Variants in TBCK observed in about 807,000 individuals in gnomAD.
TBCK encodes the protein TBC domain-containing protein kinase-like protein.
TBCK carries 99 observed loss-of-function variants against 113.4 expected under a neutral mutation model. The ratio of observed to expected loss-of-function variants is 0.87; its 90% CI spans 0.74 to 1.03. The LOEUF is 1.03. Ranked by LOEUF, TBCK falls within the 50% of genes least tolerant of loss-of-function variation. The pLI is 0.00. For synonymous variants in TBCK, 369 were observed against 370.8 expected (o/e 1.00, Z 0.05); for missense variants, 1,045 against 1,061.3 (o/e 0.98, Z 0.21).
rs1245367328 is a variant in TBCK at position 106,236,622 on chromosome 4, A to C, written c.1221-103T>G. On this transcript the variant is annotated intron_variant, in intron 13 of 25. Coordinates refer to ENST00000394708, the MANE Select transcript of TBCK (RefSeq NM_001163435.3). ...CCAACAGTGATTTCAGAAAAAGCACAAAATTTTAATAAACCAAAACCTCAG... is the reference window on the plus strand; with the variant it reads ...CCAACAGTGATTTCAGAAAAAGCACCAAATTTTAATAAACCAAAACCTCAG... 9 of 1,172,814 alleles carry C rather than the reference A, an allele frequency of 7.7e-6. No individual in the cohort carries two copies. The South Asian group carries it at 2.9e-4, about 38-fold the overall frequency. The allele number at this position is 1,172,814 out of a possible 1,614,324, so 72.7% of individuals were successfully genotyped here. A position where few individuals can be genotyped will look rare whatever the true frequency, so the allele number is the denominator to read the frequency against.
intron 25 of TBCK, among the ~76,000 whole-genome samples, chr4:106,073,353 C>G (rs914626567): frequency 6.6e-6 from 1 of 152,156 alleles, no homozygotes; most frequent in African/African-American, 2.4e-5. Flanking sequence ...CTAACAGGTC[C>G]CTCAGCTGCA....
intron 23 of TBCK, among the ~76,000 whole-genome samples, chr4:106,146,748 G>C (rs997216668): frequency 6.6e-6 from 1 of 152,028 alleles, no homozygotes; most frequent in African/African-American, 2.4e-5. Context: ...CTGTGGCTAC[G>C]GCAGCTTCTT....
chr4:106,053,132 C>G (rs1383059764), intron 25 of TBCK, among the ~76,000 whole-genome samples: 1 of 151,598 alleles, frequency 6.6e-6, no homozygotes, highest in East Asian at 1.9e-4. Context: ...ATCTGTTCAT[C>G]CATAATTAAA....
chr4:106,068,852 A>G (rs950585448), intron 25 of TBCK, among the ~76,000 whole-genome samples: 3 of 152,116 alleles, frequency 2.0e-5, no homozygotes, highest in Non-Finnish European at 4.4e-5. Context: ...CTGGTGTGAG[A>G]TGGTATCTCA....
At chr4:106,106,133 T>G (rs757561052) in intron 24 of TBCK, among the ~76,000 whole-genome samples, 1 of 151,766 alleles carries the variant, frequency 6.6e-6, no homozygotes, top group Non-Finnish European at 1.5e-5. Flanking sequence ...CTCTGAAAAT[T>G]ATGGGATTAT....
intron 3 of TBCK, among the ~76,000 whole-genome samples, chr4:106,290,687 C>T (rs1765618689): frequency 6.6e-6 from 1 of 152,154 alleles, no homozygotes; most frequent in South Asian, 2.1e-4. Context: ...ATGGACTAGT[C>T]CTGGACCCTG....
chr4:106,173,915 T>C (rs940938569), intron 22 of TBCK, among the ~76,000 whole-genome samples: 1 of 151,874 alleles, frequency 6.6e-6, no homozygotes, highest in Non-Finnish European at 1.5e-5. Context: ...ACATGGATTA[T>C]GGTTTCCCAG....
At chr4:106,252,368 T>G (rs1034765687) in intron 5 of TBCK, among the ~76,000 whole-genome samples, 1 of 150,352 alleles carries the variant, frequency 6.7e-6, no homozygotes, top group Admixed American at 6.6e-5. Flanking sequence ...ATTTTATCTT[T>G]TAAAAAAGTA....
intron 23 of TBCK, among the ~76,000 whole-genome samples, chr4:106,137,327 A>G (rs1035592040): frequency 1.4e-5 from 2 of 140,792 alleles, no homozygotes; most frequent in Admixed American, 7.0e-5. Flanking sequence ...ACTTGTAAAA[A>G]CATAAATTTG....
chr4:106,270,881 G>T (rs747374007), intron 3 of TBCK, among the ~76,000 whole-genome samples: 1 of 152,036 alleles, frequency 6.6e-6, no homozygotes, highest in South Asian at 2.1e-4. Context: ...TATTTACCAC[G>T]TCCCTTGTAT....
intron 25 of TBCK, among the ~76,000 whole-genome samples, chr4:106,073,905 A>G (rs1737836778): frequency 6.6e-6 from 1 of 152,186 alleles, no homozygotes. Context: ...TTCCATGGGC[A>G]TGGGACCCAC....
chr4:106,197,369 C>T (rs1754355430), intron 20 of TBCK, among the ~76,000 whole-genome samples: 1 of 114,428 alleles, frequency 8.7e-6, no homozygotes, highest in African/African-American at 3.7e-5. Flanking sequence ...TGTGTGTGTA[C>T]ACAGAAAACA....
At chr4:106,188,149 C>T (rs1026365042) in intron 22 of TBCK, among the ~76,000 whole-genome samples, 1 of 152,108 alleles carries the variant, frequency 6.6e-6, no homozygotes, top group Admixed American at 6.5e-5. Flanking sequence ...GAATATGCAT[C>T]CAGTTTTTGC....
intron 15 of TBCK, among the ~76,000 whole-genome samples, chr4:106,234,872 A>G (rs929862381): frequency 6.6e-6 from 1 of 152,104 alleles, no homozygotes; most frequent in African/African-American, 2.4e-5. Flanking sequence ...TATGTTAGTG[A>G]TTTTGACAAG....
intron 25 of TBCK, among the ~76,000 whole-genome samples, chr4:106,065,679 C>T (rs2149467701): frequency 6.6e-6 from 1 of 152,110 alleles, no homozygotes; most frequent in African/African-American, 2.4e-5. Flanking sequence ...TCTGATTTTT[C>T]TTAAGACTTA....
At chr4:106,085,354 A>T (rs753511341) in intron 25 of TBCK, among the ~76,000 whole-genome samples, 2 of 152,228 alleles carry the variant, frequency 1.3e-5, no homozygotes, top group Non-Finnish European at 2.9e-5. Context: ...ACCAACAAAG[A>T]TCATAAAAGA....
At chr4:106,158,635 A>G (rs1579079038) in intron 23 of TBCK, among the ~76,000 whole-genome samples, 1 of 152,318 alleles carries the variant, frequency 6.6e-6, no homozygotes, top group East Asian at 1.9e-4. Context: ...ATCTAGTACT[A>G]GCAGGGAAAT....
At chr4:106,103,593 A>G (rs1163522360) in intron 24 of TBCK, among the ~76,000 whole-genome samples, 1 of 152,228 alleles carries the variant, frequency 6.6e-6, no homozygotes, top group African/African-American at 2.4e-5. Flanking sequence ...TTTATCAGTA[A>G]AACAGAGATA....
intron 3 of TBCK, among the ~76,000 whole-genome samples, chr4:106,293,526 C>T (rs1765944961): frequency 6.6e-6 from 1 of 152,114 alleles, no homozygotes; most frequent in Non-Finnish European, 1.5e-5. Context: ...ATCCCAAAAT[C>T]ATCCCTCCAC....
Sources: allele counts gnomAD v4.1 joint callset (sites outside exome capture counted in the v4.1 genomes callset), GRCh38; gene constraint gnomAD v4.1.1; transcripts MANE v1.5; gene names NCBI Gene and HGNC (gene_info 2026-07-23, HGNC 2026-07-21).